ICA1: variants seen among roughly 807,000 people sequenced by gnomAD.
ICA1 encodes 69 kDa islet cell autoantigen.
In ICA1, 40 loss-of-function variants were observed where a neutral mutation model predicts 71.0. That is an observed-to-expected ratio of 0.56 (90% CI 0.44 to 0.73). The LOEUF (loss-of-function observed/expected upper bound fraction) is 0.73. ICA1 is among the 30% of genes least tolerant of loss of function. The probability of loss-of-function intolerance (pLI) is 0.00; values close to 1 mark genes in which losing one functional copy is unlikely to be tolerated. For synonymous variants in ICA1, 207 were observed against 209.5 expected (o/e 0.99, Z 0.10); for missense variants, 578 against 576.5 (o/e 1.00, Z -0.03).
At chr7:8,152,354 G>C (rs1799103503) in intron 8 of ICA1, among the ~76,000 whole-genome samples, 1 of 151,942 alleles carries the variant, frequency 6.6e-6, no homozygotes, top group Admixed American at 6.6e-5. Context: ...TGCTTCGCAT[G>C]GTTGTCTTCT....
chr7:8,235,823 CTT>C (rs1433486216), intron 2 of ICA1, 85 bp downstream of exon 2: 9 of 1,377,246 alleles, frequency 6.5e-6, no homozygotes, highest in African/African-American at 1.4e-5. Context: ...CAATGTATCT[CTT>C]GTTTTTCCAT....
intron 6 of ICA1, among the ~76,000 whole-genome samples, chr7:8,184,262 T>C (rs191139449): frequency 1.4e-4 from 22 of 152,322 alleles, no homozygotes; most frequent in African/African-American, 5.3e-4. Context: ...TTTGTCTCTG[T>C]AGAGTAATAT....
chr7:8,170,583 T>G (rs999782277), intron 6 of ICA1, among the ~76,000 whole-genome samples: 1 of 152,034 alleles, frequency 6.6e-6, no homozygotes, highest in African/African-American at 2.4e-5. Flanking sequence ...CATATTTTGA[T>G]GCTATTATAA....
intron 6 of ICA1, among the ~76,000 whole-genome samples, chr7:8,174,753 CTCA>C (rs1490901255): frequency 1.9e-4 from 2 of 10,340 alleles, no homozygotes; most frequent in Non-Finnish European, 4.0e-4. Context: ...CAGACTGTAT[CTCA>C]AAAAAAAAAA....
intron 9 of ICA1, chr7:8,142,196 C>A: frequency 2.7e-6 from 1 of 376,744 alleles, no homozygotes; most frequent in East Asian, 7.8e-5. Context: ...GGAGAGGACA[C>A]CTCCAGAGGT....
At position 8,113,709 on chromosome 7, in the gene ICA1, C is replaced by T; in HGVS notation, c.*214G>A. The T allele has an allele frequency of 2.0e-6, 1 of 488,818 alleles. No homozygotes were observed. Among genetic ancestry groups the T allele is most frequent in the Non-Finnish European group, 3.6e-6 (1 of 274,360 alleles). 30.3% of individuals were successfully genotyped at this position (488,818 alleles called of 1,614,324 possible). A position where few individuals can be genotyped will look rare whatever the true frequency, so the allele number is the denominator to read the frequency against. Reference sequence around the variant, plus strand: ...GCCTGGAAACCGCTTCTAGACAATCCTGTATTATTTAGATCCACATAGAGA... The same window carrying T: ...GCCTGGAAACCGCTTCTAGACAATCTTGTATTATTTAGATCCACATAGAGA... On this transcript the variant is annotated 3_prime_UTR_variant, in exon 14 of 14. Coordinates refer to ENST00000402384, the MANE Select transcript of ICA1 (RefSeq NM_001136020.3). This position sits in a 1 kb window ranked among gnomAD's most constrained non-coding sequence, Gnocchi z 4.2.
chr7:8,153,104 C>T (rs552447863), intron 8 of ICA1, among the ~76,000 whole-genome samples: 33 of 152,222 alleles, frequency 2.2e-4, no homozygotes, highest in Non-Finnish European at 4.4e-4. Context: ...ACGCCTCTCT[C>T]ACTACCACCA....
At chr7:8,177,392 G>A (rs881451) in intron 6 of ICA1, among the ~76,000 whole-genome samples, 142,556 of 152,158 alleles carry the variant, frequency 0.94, 66,805 homozygotes, top group Admixed American at 0.95. Context: ...CAGCTAACTG[G>A]GTTCACTTCC....
At position 8,222,095 on chromosome 7, in the gene ICA1, G is replaced by C. The variant is rs1037787019; in HGVS notation, c.257-697C>G. Among the ~76,000 whole-genome samples, 3 of 152,112 alleles carry C rather than the reference G, an allele frequency of 2.0e-5. No individual in the cohort carries two copies. The highest frequency in any genetic ancestry group is 7.2e-5 in the African/African-American group (3 of 41,420). On this transcript the variant is annotated intron_variant, in intron 4 of 13. Transcript: ENST00000402384. The surrounding 1 kb of genome is among the most constrained non-coding windows in gnomAD (Gnocchi z 4.8). ...GACGGTAAACATTTAAAAAATCATA[G>C]AATTACATGTATCTTTGGACTCTCC...
intron 10 of ICA1, among the ~76,000 whole-genome samples, chr7:8,141,514 G>A (rs561091248): frequency 2.6e-5 from 4 of 152,208 alleles, no homozygotes; most frequent in African/African-American, 9.6e-5. Context: ...CTGCCCCTCT[G>A]AAGAGCTGCT....
At position 8,188,053 on chromosome 7, in the gene ICA1, A is replaced by G. The variant is rs140897669; in HGVS notation, c.580-29401T>C. Reference sequence around the variant, plus strand: ...CACTGCAGAGACTGAGTTCCTCACCAAGGCACCAGGCTGTTTCTTACGCTA... The same window carrying G: ...CACTGCAGAGACTGAGTTCCTCACCGAGGCACCAGGCTGTTTCTTACGCTA... On this transcript the variant is annotated intron_variant, in intron 6 of 13. Transcript: ENST00000402384. 1.8e-3 allele frequency among the ~76,000 whole-genome samples: 280 copies of G among 152,314 alleles called. 1 individual carries two copies. The highest frequency in any genetic ancestry group is 6.4e-3 in the African/African-American group (264 of 41,568).
At chr7:8,148,108 A>G (rs1283731680) in intron 8 of ICA1, among the ~76,000 whole-genome samples, 2 of 152,158 alleles carry the variant, frequency 1.3e-5, no homozygotes, top group East Asian at 3.9e-4. Flanking sequence ...GGCTCCCACC[A>G]TCCACCACCC....
chr7:8,197,006 C>G (rs924683727), intron 6 of ICA1, among the ~76,000 whole-genome samples: 4 of 152,026 alleles, frequency 2.6e-5, no homozygotes, highest in Non-Finnish European at 5.9e-5. Context: ...AACTGTGAGT[C>G]AATTAAACTT....
At chr7:8,156,029 A>G (rs1801366825) in intron 8 of ICA1, among the ~76,000 whole-genome samples, 2 of 152,218 alleles carry the variant, frequency 1.3e-5, no homozygotes, top group South Asian at 4.1e-4. Context: ...AGTGCCAATC[A>G]ATGGGCGGGC....
At position 8,144,290 on chromosome 7, in the gene ICA1, T is replaced by C. The variant is rs974809116; in HGVS notation, c.805-318A>G. Among the ~76,000 whole-genome samples, 2 of 152,254 alleles carry C rather than the reference T, an allele frequency of 1.3e-5. No homozygotes were observed. The highest frequency in any genetic ancestry group is 1.3e-4 in the Admixed American group (2 of 15,288). ...GTGGCCTTTTGGCTATTGCTAACTT[T>C]ATTTTTCAACTTCAACATGTAGTTA... On this transcript the variant is annotated intron_variant, in intron 8 of 13. Transcript: ENST00000402384. This position sits in a 1 kb window ranked among gnomAD's most constrained non-coding sequence, Gnocchi z 4.5.
Position 8,226,419 on chromosome 7 carries a change from CCTT to C in ICA1, c.256+2179_256+2181del, listed in dbSNP as rs754662482. On this transcript the variant is annotated intron_variant, in intron 4 of 13. Transcript: ENST00000402384. This position sits in a 1 kb window ranked among gnomAD's most constrained non-coding sequence, Gnocchi z 4.4. The stretch of plus-strand genomic sequence containing the variant: ...TAATACACACACTCTCCATATATTA[CCTT>C]TTTTTACATTTATATTTTATATCAC... 9.2e-5 allele frequency among the ~76,000 whole-genome samples: 14 copies of C among 152,110 alleles called. No homozygotes were observed. Among genetic ancestry groups the C allele is most frequent in the Non-Finnish European group, 4.4e-5 (3 of 68,026 alleles).
intron 1 of ICA1, among the ~76,000 whole-genome samples, chr7:8,240,077 C>A (rs976475087): frequency 1.3e-5 from 2 of 152,192 alleles, no homozygotes; most frequent in Non-Finnish European, 2.9e-5. Flanking sequence ...TGAGAATGGA[C>A]AGACTGCCTC....
intron 1 of ICA1, among the ~76,000 whole-genome samples, chr7:8,260,171 C>T (rs1013430543): frequency 2.0e-5 from 3 of 152,154 alleles, no homozygotes; most frequent in Admixed American, 1.3e-4. Flanking sequence ...GTTTATCCTT[C>T]TACGTTATGG....
rs1342508217 is a variant in ICA1, at chr7:8,130,738, G to A, written c.1061-2596C>T. ...ACTTTAGTACAGATGTCTGTCCAGG[G>A]AAGATCATCATTAACATTAGCAAGA... On this transcript the variant is annotated intron_variant, in intron 12 of 13. Transcript: ENST00000402384. This position sits in a 1 kb window ranked among gnomAD's most constrained non-coding sequence, Gnocchi z 4.2. Among the ~76,000 whole-genome samples the A allele has an allele frequency of 6.6e-6, 1 of 152,200 alleles. No homozygotes were observed. Among genetic ancestry groups the A allele is most frequent in the Non-Finnish European group, 1.5e-5 (1 of 68,032 alleles).
Sources: allele counts gnomAD v4.1 joint callset (sites outside exome capture counted in the v4.1 genomes callset), GRCh38; gene constraint gnomAD v4.1.1; non-coding constraint Gnocchi (gnomAD v3.1); transcripts MANE v1.5; gene names NCBI Gene and HGNC (gene_info 2026-07-23, HGNC 2026-07-21).